DYSF: variants seen among roughly 807,000 people sequenced by gnomAD.
The protein encoded by DYSF is dysferlin.
A neutral mutation model predicts 274.9 loss-of-function variants in DYSF; 212 were observed. The observed-to-expected ratio is 0.77, with a 90% confidence interval of 0.69 to 0.86. The LOEUF is 0.86. Among genes scored for constraint, DYSF ranks in the 40% least tolerant of loss-of-function variants. DYSF has a pLI of 0.00. For synonymous variants in DYSF, 1,091 were observed against 1,078.7 expected (o/e 1.01, Z -0.22); for missense variants, 2,666 against 2,783.2 (o/e 0.96, Z 0.95).
intron 5 of DYSF, among the ~76,000 whole-genome samples, chr2:71,512,300 C>T (rs988219688): frequency 1.3e-5 from 2 of 152,168 alleles, no homozygotes; most frequent in African/African-American, 2.4e-5. Flanking sequence ...TCCCCAGAAC[C>T]GAATGTTTCC....
At chr2:71,677,359 T>C (rs2095238766) in intron 52 of DYSF, among the ~76,000 whole-genome samples, 1 of 152,212 alleles carries the variant, frequency 6.6e-6, no homozygotes, top group Non-Finnish European at 1.5e-5. Flanking sequence ...AGAAAATAAT[T>C]TTTCTATTGA....
rs548822736 is a variant in DYSF, at chr2:71,532,923, A to G, written c.1381-2098A>G. 5.3e-5 allele frequency among the ~76,000 whole-genome samples: 8 copies of G among 152,152 alleles called. No homozygotes were observed. The South Asian group carries it at 1.7e-3, about 32-fold the overall frequency. On this transcript the variant is annotated intron_variant, in intron 14 of 55. Coordinates refer to ENST00000410020, the MANE Select transcript of DYSF (RefSeq NM_001130987.2). Reference sequence around the variant, plus strand: ...TGCTCTGTACCCCATCCAACAATCAATCCATTTCTTCCTTTTCAAAGAAAA... The same window carrying G: ...TGCTCTGTACCCCATCCAACAATCAGTCCATTTCTTCCTTTTCAAAGAAAA...
intron 4 of DYSF, among the ~76,000 whole-genome samples, chr2:71,508,546 T>C (rs73940807): frequency 0.01 from 1,583 of 152,320 alleles, 25 homozygotes; most frequent in African/African-American, 0.036. Flanking sequence ...GGCCAATTAT[T>C]TGTAGAATGT....
In DYSF at chr2:71,568,224, T is replaced by A. The variant is rs768637531; in HGVS notation, c.2750T>A (p.Leu917His). Residue 917 changes from leucine to histidine, a missense_variant, in exon 26 of 56, where the codon CTC (leucine) becomes CAC (histidine). Physicochemically the swap from Leu to His is moderately conservative, Grantham distance 99. Coordinates refer to ENST00000410020, the MANE Select transcript of DYSF (RefSeq NM_001130987.2). ...ALVGNWGTTG[L>H]TYPKFSDVTG... is the part of the protein sequence containing the mutation. ...GTTGGGAACTGGGGCACAACGGGCC[T>A]CACCTACCCCAAGTTTTCTGACGTC... 8 of 1,614,086 alleles carry A rather than the reference T, an allele frequency of 5.0e-6. No individual in the cohort carries two copies. In the Admixed American group the frequency reaches 1.3e-4, roughly 27 times the overall value.
intron 40 of DYSF, among the ~76,000 whole-genome samples, chr2:71,614,261 C>T (rs2152879534): frequency 6.6e-6 from 1 of 152,342 alleles, no homozygotes; most frequent in East Asian, 1.9e-4. Flanking sequence ...TTGCAAGATA[C>T]TGGTCATACC....
intron 55 of DYSF, among the ~76,000 whole-genome samples, chr2:71,685,221 TC>T (rs1251726342): frequency 6.6e-6 from 1 of 152,132 alleles, no homozygotes; most frequent in African/African-American, 2.4e-5. Flanking sequence ...TGGTCAGAGC[TC>T]CTCCCTGTCT....
intron 30 of DYSF, among the ~76,000 whole-genome samples, chr2:71,578,157 T>G (rs1328656297): frequency 1.3e-5 from 2 of 152,194 alleles, no homozygotes; most frequent in Non-Finnish European, 2.9e-5. Context: ...ATTCAGGGTC[T>G]GGTGGGCCCC....
chr2:71,539,149 T>C lies in DYSF; in HGVS notation c.1494-8T>C, dbSNP rs748257410. 4 of 1,613,792 alleles carry C rather than the reference T, an allele frequency of 2.5e-6. No homozygotes were observed. The highest frequency in any genetic ancestry group is 3.4e-6 in the Non-Finnish European group (4 of 1,179,756). ...TGTGTTCAGGCCCTCTCTGCTCCCT[T>C]GCTCTAGGGACCGCCTGACTCACAA... On this transcript the variant is annotated splice_region_variant and splice_polypyrimidine_tract_variant and intron_variant, in intron 16 of 55. Coordinates refer to ENST00000410020, the MANE Select transcript of DYSF (RefSeq NM_001130987.2).
rs1327979188 is a variant in DYSF at position 71,600,123 on chromosome 2, A to AG, written c.3757-574dup. Among the ~76,000 whole-genome samples the AG allele has an allele frequency of 3.3e-5, 5 of 152,256 alleles. No homozygotes were observed. The South Asian group carries it at 6.2e-4, about 19-fold the overall frequency. ...TGAGCTGCAGGCTGCCAGAGCCCTGAGGGGGCTTGCCCCTGCATCCAGTGT... is the reference window on the plus strand; with the variant it reads ...TGAGCTGCAGGCTGCCAGAGCCCTGAGGGGGGCTTGCCCCTGCATCCAGTGT... On this transcript the variant is annotated intron_variant, in intron 33 of 55. Coordinates refer to ENST00000410020, the MANE Select transcript of DYSF (RefSeq NM_001130987.2).
intron 3 of DYSF, among the ~76,000 whole-genome samples, chr2:71,486,082 C>T (rs1340965341): frequency 6.6e-6 from 1 of 152,142 alleles, no homozygotes; most frequent in Non-Finnish European, 1.5e-5. Flanking sequence ...CTGTGCCTTG[C>T]AACTGTCCTC....
chr2:71,604,982 C>T (rs1247789511), intron 36 of DYSF, among the ~76,000 whole-genome samples: 1 of 152,196 alleles, frequency 6.6e-6, no homozygotes, highest in East Asian at 1.9e-4. Context: ...GCTTTATGCC[C>T]ATCTGGGACA....
intron 22 of DYSF, 53 bp from the exon 23 acceptor site, chr2:71,561,699 C>A (rs148375424): frequency 6.2e-7 from 1 of 1,609,184 alleles, no homozygotes; most frequent in African/African-American, 1.3e-5. Flanking sequence ...CATGCCTGGA[C>A]CTGGGAGAGC....
rs537163032 is a variant in DYSF at position 71,528,467 on chromosome 2, C to T, written c.1380+66C>T. The T allele has an allele frequency of 4.5e-5, 61 of 1,360,600 alleles. No individual in the cohort carries two copies. The East Asian group carries it at 9.8e-4, about 22-fold the overall frequency. The allele number at this position is 1,360,600 out of a possible 1,614,324, so 84.3% of individuals were successfully genotyped here. On this transcript the variant is annotated intron_variant, in intron 14 of 55. Transcript: ENST00000410020. The stretch of plus-strand genomic sequence containing the variant: ...CTTTCTGGTGCCCTGTGGACTGTGC[C>T]GGGTGAGAGCAAGACAGAGTGAGAT...
In DYSF at chr2:71,564,157, C is replaced by T. The variant is rs371841411; in HGVS notation, c.2509C>T (p.Arg837Trp). The T allele has an allele frequency of 2.2e-5, 35 of 1,614,252 alleles. No individual in the cohort carries two copies. In the African/African-American group the frequency reaches 2.8e-4, roughly 13 times the overall value. Residue 837 changes from arginine (R) to tryptophan (W), a missense_variant, in exon 24 of 56, where the codon CGG becomes TGG. Coordinates refer to ENST00000410020, the MANE Select transcript of DYSF (RefSeq NM_001130987.2). ...VPAHQVLFSR[R>W]GANYCGKNCG... ...CGCCCACCAAGTCCTCTTCTCCCGGCGGGGTGCCAACTACTGTGGCAAGAA... is the reference window on the plus strand; with the variant it reads ...CGCCCACCAAGTCCTCTTCTCCCGGTGGGGTGCCAACTACTGTGGCAAGAA...
chr2:71,462,978 A>G (rs1167487562), upstream of DYSF, among the ~76,000 whole-genome samples: 1 of 152,208 alleles, frequency 6.6e-6, no homozygotes, highest in Admixed American at 6.5e-5. Flanking sequence ...CTCCACCTGG[A>G]ACTGGCAGCC....
rs75002115 is a variant in DYSF, at chr2:71,500,764, C to A, written c.240-2450C>A. Among the ~76,000 whole-genome samples, 776 of 152,150 alleles carry A rather than the reference C, an allele frequency of 5.1e-3. 7 individuals carry two copies. Among genetic ancestry groups the A allele is most frequent in the African/African-American group, 0.018 (743 of 41,508 alleles). On this transcript the variant is annotated intron_variant, in intron 3 of 55. Coordinates refer to ENST00000410020, the MANE Select transcript of DYSF (RefSeq NM_001130987.2). ...CAGCTGCCATGTACAGCTCTCTGGT[C>A]CATGAGGCCTCCTTGGGCCCTGCCT...
At chr2:71,565,977 A>T (rs1290477304) in intron 24 of DYSF, among the ~76,000 whole-genome samples, 1 of 152,164 alleles carries the variant, frequency 6.6e-6, no homozygotes, top group African/African-American at 2.4e-5. Flanking sequence ...GTCTGCACAC[A>T]GTTGTGTGAG....
chr2:71,578,632 G>A (rs564005049), intron 30 of DYSF, among the ~76,000 whole-genome samples: 2 of 152,340 alleles, frequency 1.3e-5, no homozygotes, highest in African/African-American at 4.8e-5. Context: ...GGCAGGCCTT[G>A]CAGGGGCTGG....
At chr2:71,629,094 A>T (rs2094266375) in intron 41 of DYSF, among the ~76,000 whole-genome samples, 1 of 152,220 alleles carries the variant, frequency 6.6e-6, no homozygotes, top group African/African-American at 2.4e-5. Flanking sequence ...AACTCTGGAT[A>T]TACAGTGGAC....
Sources: gnomAD v4.1 joint callset for allele counts (sites outside exome capture counted in the v4.1 genomes callset) on GRCh38, gnomAD v4.1.1 for gene constraint, MANE v1.5 for transcripts, NCBI Gene and HGNC (gene_info 2026-07-23, HGNC 2026-07-21) for gene names.